ACACA: variants seen among roughly 807,000 people sequenced by gnomAD.
ACACA encodes acetyl-CoA carboxylase 1.
Under a neutral mutation model 296.1 loss-of-function variants are expected in ACACA, and 103 were observed. The ratio of observed to expected loss-of-function variants is 0.35; its 90% CI spans 0.30 to 0.41. The LOEUF (loss-of-function observed/expected upper bound fraction) is 0.41, where lower values mean the gene tolerates loss of function less well. Ranked by LOEUF, ACACA falls within the 10% of genes least tolerant of loss-of-function variation. ACACA has a pLI of 1.00. For missense variants in ACACA, 1,554 were observed against 2,989.7 expected (o/e 0.52, Z 11.20); for synonymous variants, 953 against 1,038.6 (o/e 0.92, Z 1.58).
chr17:37,207,740 A>T lies in ACACA; in HGVS notation c.3768T>A (p.Asp1256Glu). ...GAGTGAATGAGTTGTCCAACAGTAC[A>T]TCGCTGACACTAGCTACATGGGTCA... ...YGMTHVASVS[D>E]VLLDNSFTPP... Residue 1256 changes from aspartate (D) to glutamate (E), a missense_variant, in exon 31 of 56, where the codon GAT becomes GAA. Physicochemically the swap from Asp to Glu is conservative, Grantham distance 45 (BLOSUM62 2). Transcript: ENST00000616317. The T allele has an allele frequency of 1.2e-6, 2 of 1,614,016 alleles. No individual in the cohort carries two copies. Among genetic ancestry groups the T allele is most frequent in the Non-Finnish European group, 1.7e-6 (2 of 1,179,878 alleles).
At chr17:37,350,561 T>C (rs903850316) in intron 1 of ACACA, among the ~76,000 whole-genome samples, 1 of 152,112 alleles carries the variant, frequency 6.6e-6, no homozygotes, top group African/African-American at 2.4e-5. Context: ...TGTTTCGGGC[T>C]GGGCGTGGTG....
chr17:37,393,819 G>GA lies in ACACA; in HGVS notation c.38+12442dup, dbSNP rs5820211. On this transcript the variant is annotated intron_variant, in intron 1 of 55. Coordinates refer to ENST00000616317, the MANE Select transcript of ACACA (RefSeq NM_198834.3). ...GGTGACAGAGCGAGACTGTCTCAAA[G>GA]AAAAAAAAAAAAAGAGTATAATTTG... Among the ~76,000 whole-genome samples, 728 of 133,936 alleles carry GA rather than the reference G, an allele frequency of 5.4e-3. 1 individual carries two copies. Among genetic ancestry groups the GA allele is most frequent in the Non-Finnish European group, 6.5e-3 (401 of 61,438 alleles). 87.9% of individuals were successfully genotyped at this position (133,936 alleles called of 152,430 possible).
At chr17:37,134,801 T>C (rs990747558) in intron 45 of ACACA, among the ~76,000 whole-genome samples, 9 of 152,244 alleles carry the variant, frequency 5.9e-5, no homozygotes, top group African/African-American at 1.9e-4. Context: ...TCAAGAGGAT[T>C]TGAGGAGGGG....
chr17:37,371,174 C>A (rs559836792), intron 1 of ACACA, among the ~76,000 whole-genome samples: 1 of 151,688 alleles, frequency 6.6e-6, no homozygotes, highest in Non-Finnish European at 1.5e-5. Context: ...CCACCTCCCG[C>A]GTTCAAGTGA....
chr17:37,228,206 CTTTTTTT>C (rs11299899), intron 25 of ACACA, among the ~76,000 whole-genome samples: 18 of 106,056 alleles, frequency 1.7e-4, no homozygotes, highest in South Asian at 3.7e-4. Flanking sequence ...TTCTCAAACC[CTTTTTTT>C]TTTTTTTTTT....
chr17:37,104,265 T>C (rs2073538820), intron 52 of ACACA, among the ~76,000 whole-genome samples: 1 of 152,152 alleles, frequency 6.6e-6, no homozygotes, highest in Non-Finnish European at 1.5e-5. Context: ...TAAGTCCCCA[T>C]GAAATCCTAA....
At chr17:37,197,554 A>G (rs985403446) in intron 35 of ACACA, among the ~76,000 whole-genome samples, 7 of 152,140 alleles carry the variant, frequency 4.6e-5, no homozygotes, top group Non-Finnish European at 8.8e-5. Context: ...CAGTACACTA[A>G]CTATGGGGCA....
chr17:37,105,050 A>C (rs2073596931), intron 52 of ACACA, among the ~76,000 whole-genome samples: 1 of 151,684 alleles, frequency 6.6e-6, no homozygotes. Context: ...TAAATAGGCC[A>C]GGAGAAGGTC....
At chr17:37,112,443 A>G (rs1026050626) in intron 51 of ACACA, among the ~76,000 whole-genome samples, 3 of 152,208 alleles carry the variant, frequency 2.0e-5, no homozygotes, top group African/African-American at 7.2e-5. Context: ...AGGAAACTAC[A>G]GTTTAGTAAG....
At chr17:37,162,179 A>T in intron 41 of ACACA, 129 bp from the exon 42 acceptor site, 1 of 994,342 alleles carries the variant, frequency 1.0e-6, no homozygotes, top group Non-Finnish European at 1.5e-6. Flanking sequence ...TAAAGAGCCA[A>T]ACTCCCTGTG....
intron 3 of ACACA, among the ~76,000 whole-genome samples, chr17:37,329,637 T>A (rs2047774051): frequency 8.6e-6 from 1 of 115,928 alleles, no homozygotes; most frequent in South Asian, 2.6e-4. Context: ...TGAGACTCTA[T>A]CTCAAAAAAA....
At chr17:37,126,308 G>A (rs778131783) in intron 47 of ACACA, among the ~76,000 whole-genome samples, 8 of 152,052 alleles carry the variant, frequency 5.3e-5, no homozygotes, top group African/African-American at 1.4e-4. Flanking sequence ...CAGTTTCTCC[G>A]CTACAAAAGC....
chr17:37,230,243 G>A (rs1021700913), intron 25 of ACACA, among the ~76,000 whole-genome samples: 1 of 151,558 alleles, frequency 6.6e-6, no homozygotes, highest in Non-Finnish European at 1.5e-5. Context: ...AATTAACTGG[G>A]TGCAGTGGTG....
chr17:37,283,569 C>G (rs1247706873), intron 4 of ACACA, among the ~76,000 whole-genome samples, 164 bp from the exon 5 acceptor site: 1 of 152,158 alleles, frequency 6.6e-6, no homozygotes, highest in Non-Finnish European at 1.5e-5. Context: ...CTGGCTTCCC[C>G]AAGGCCAAGC....
At chr17:37,107,425 G>A (rs748077744) in intron 52 of ACACA, among the ~76,000 whole-genome samples, 7 of 152,186 alleles carry the variant, frequency 4.6e-5, no homozygotes, top group Non-Finnish European at 1.0e-4. Flanking sequence ...GCTAGAGAAG[G>A]CTTGGGAGGA....
At chr17:37,197,958 T>C (rs1260894112) in intron 35 of ACACA, among the ~76,000 whole-genome samples, 1 of 152,152 alleles carries the variant, frequency 6.6e-6, no homozygotes, top group Non-Finnish European at 1.5e-5. Context: ...GATGCCACTA[T>C]AAATAGGAAT....
rs377252740 is a variant in ACACA at position 37,205,894 on chromosome 17, C to T, written c.3949-22G>A. 4 of 1,571,928 alleles carry T rather than the reference C, an allele frequency of 2.5e-6. No homozygotes were observed. In the African/African-American group the frequency reaches 4.1e-5, roughly 16 times the overall value. ...GAACCTGTAACTCAAGAACACAAGT[C>T]AAAGAAATTATGAGGCTGGCCAATA... On this transcript the variant is annotated intron_variant, in intron 32 of 55. Transcript: ENST00000616317.
chr17:37,196,138 T>C (rs765700790), intron 35 of ACACA, among the ~76,000 whole-genome samples: 1 of 152,112 alleles, frequency 6.6e-6, no homozygotes, highest in Non-Finnish European at 1.5e-5. Flanking sequence ...AAAAACCTAA[T>C]GAGATGAAGA....
rs567071223 is a variant in ACACA, at chr17:37,190,985, C to G, written c.4572+135G>C. 13 of 1,103,162 alleles carry G rather than the reference C, an allele frequency of 1.2e-5. No individual in the cohort carries two copies. The African/African-American group carries it at 2.0e-4, about 17-fold the overall frequency. The allele number at this position is 1,103,162 out of a possible 1,614,324, so 68.3% of individuals were successfully genotyped here. On this transcript the variant is annotated intron_variant, in intron 38 of 55. Coordinates refer to ENST00000616317, the MANE Select transcript of ACACA (RefSeq NM_198834.3). Reference sequence around the variant, plus strand: ...CCAGAAACTCAATCTTATAAACATTCTATAAACTTTACAGATTAAGGGCTC... The same window carrying G: ...CCAGAAACTCAATCTTATAAACATTGTATAAACTTTACAGATTAAGGGCTC...
Sources: gnomAD v4.1 joint callset for allele counts (sites outside exome capture counted in the v4.1 genomes callset) on GRCh38, gnomAD v4.1.1 for gene constraint, MANE v1.5 for transcripts, NCBI Gene and HGNC (gene_info 2026-07-23, HGNC 2026-07-21) for gene names.